Variants in ZFHX3 observed in about 807,000 individuals in gnomAD.
ZFHX3 encodes zinc finger homeobox 3.
Under a neutral mutation model 279.1 loss-of-function variants are expected in ZFHX3, and 42 were observed. That is an observed-to-expected ratio of 0.15 (90% confidence interval 0.12 to 0.19). The LOEUF (loss-of-function observed/expected upper bound fraction) is 0.19, where lower values mean the gene tolerates loss of function less well. ZFHX3 is among the 10% of genes least tolerant of loss of function. ZFHX3 has a pLI of 1.00. For synonymous variants in ZFHX3, 2,293 were observed against 1,957.8 expected (o/e 1.17, Z -4.52); for missense variants, 4,981 against 4,754.0 (o/e 1.05, Z -1.40).
At chr16:73,519,450 C>T (rs1266941186) in intron 2 of ZFHX3, among the ~76,000 whole-genome samples, 2 of 152,010 alleles carry the variant, frequency 1.3e-5, no homozygotes, top group African/African-American at 4.8e-5. Flanking sequence ...TAACTTCCTC[C>T]CATTCTTCCC....
intron 1 of ZFHX3, among the ~76,000 whole-genome samples, chr16:73,768,619 G>C (rs1187390654): frequency 6.6e-6 from 1 of 152,062 alleles, no homozygotes; most frequent in Non-Finnish European, 1.5e-5. Flanking sequence ...CCTTGTTCTT[G>C]TCTGTATTAA....
chr16:73,055,667 GGTGCAGACGTACGCGCGCGCGCGCGCGC>G (rs1705603393), intron 1 of ZFHX3, among the ~76,000 whole-genome samples: 2 of 143,896 alleles, frequency 1.4e-5, no homozygotes, highest in African/African-American at 5.2e-5. Flanking sequence ...ACACCCACAC[GGTGCAGACGTACGCGCGCGCGCGCGCGC>G]GCGCACACAC....
At chr16:73,152,510 T>C (rs1406680012) in intron 5 of ZFHX3, among the ~76,000 whole-genome samples, 1 of 151,814 alleles carries the variant, frequency 6.6e-6, no homozygotes, top group African/African-American at 2.4e-5. Context: ...GAAAAGAAAG[T>C]TGTTTAGATT....
chr16:73,698,798 G>A (rs375398000), intron 1 of ZFHX3, among the ~76,000 whole-genome samples: 5 of 152,284 alleles, frequency 3.3e-5, no homozygotes, highest in African/African-American at 1.2e-4. Flanking sequence ...TTAATGCAAC[G>A]TAGGGTCCTG....
chr16:73,454,259 T>C (rs752402594), intron 3 of ZFHX3, among the ~76,000 whole-genome samples: 1 of 152,178 alleles, frequency 6.6e-6, no homozygotes, highest in Non-Finnish European at 1.5e-5. Context: ...TTTGTCTCAA[T>C]CTTGGGTACC....
chr16:72,844,964 C>G (rs962899032), intron 4 of ZFHX3, among the ~76,000 whole-genome samples: 1 of 151,872 alleles, frequency 6.6e-6, no homozygotes, highest in African/African-American at 2.4e-5. Context: ...AGAGCTAAGC[C>G]GAGAGCACAG....
chr16:73,384,910 G>C (rs1233979624), intron 3 of ZFHX3, among the ~76,000 whole-genome samples: 1 of 152,132 alleles, frequency 6.6e-6, no homozygotes, highest in Non-Finnish European at 1.5e-5. Context: ...TCCCTCCTAC[G>C]TTACCCTGAT....
intron 2 of ZFHX3, among the ~76,000 whole-genome samples, chr16:73,580,056 T>C (rs2051843693): frequency 6.6e-6 from 1 of 150,504 alleles, no homozygotes; most frequent in Non-Finnish European, 1.5e-5. Flanking sequence ...TTACCTGTTA[T>C]AAATATTAAA....
At chr16:73,632,167 T>C (rs76116033) in intron 2 of ZFHX3, among the ~76,000 whole-genome samples, 5 of 152,160 alleles carry the variant, frequency 3.3e-5, no homozygotes, top group African/African-American at 1.2e-4. Flanking sequence ...TTATTTAATA[T>C]ACATGTGTTG....
intron 1 of ZFHX3, among the ~76,000 whole-genome samples, chr16:73,799,386 C>T (rs1216562924): frequency 6.6e-6 from 1 of 152,182 alleles, no homozygotes; most frequent in Non-Finnish European, 1.5e-5. Flanking sequence ...CAGTGGATGA[C>T]ATCAGGCATT....
intron 3 of ZFHX3, among the ~76,000 whole-genome samples, chr16:73,394,223 T>C (rs1966505): frequency 0.84 from 124,222 of 148,680 alleles, 52,212 homozygotes; most frequent in African/African-American, 0.89. Context: ...TTTCCAGAAG[T>C]GTATCTTTGT....
At chr16:73,673,275 C>A (rs1056226753) in intron 2 of ZFHX3, among the ~76,000 whole-genome samples, 1 of 152,080 alleles carries the variant, frequency 6.6e-6, no homozygotes, top group African/African-American at 2.4e-5. Context: ...AATTTTCCTA[C>A]TTTTAAGCTG....
chr16:72,794,475 T>C lies in ZFHX3; in HGVS notation c.8207A>G (p.His2736Arg), dbSNP rs1342000636. The C allele has an allele frequency of 6.2e-7, 1 of 1,614,194 alleles. No homozygotes were observed. Among genetic ancestry groups the C allele is most frequent in the Non-Finnish European group, 8.5e-7 (1 of 1,180,044 alleles). Residue 2736 changes from histidine to arginine, a missense_variant, in exon 9 of 10, where the codon CAT (histidine) becomes CGT (arginine). Physicochemically the swap from His to Arg is conservative, Grantham distance 29. Coordinates refer to ENST00000268489, the MANE Select transcript of ZFHX3 (RefSeq NM_006885.4). This position sits in a 1 kb window ranked among gnomAD's most constrained non-coding sequence, Gnocchi z 4.2. The part of the protein sequence containing the change: ...LEAHIRSRHW[H>R]EAKRAGYNLT... ...GTTGTAGCCAGCTCTCTTGGCTTCA[T>C]GCCAGTGACGGGACCGGATATGAGC... is the stretch of plus-strand genomic sequence containing the variant.
chr16:73,655,461 A>T (rs2052713335), intron 2 of ZFHX3, among the ~76,000 whole-genome samples: 1 of 152,246 alleles, frequency 6.6e-6, no homozygotes, highest in Non-Finnish European at 1.5e-5. Context: ...TATGAAAATC[A>T]ATTGCATTTC....
intron 3 of ZFHX3, among the ~76,000 whole-genome samples, chr16:73,422,185 T>C (rs2017730375): frequency 7.2e-6 from 1 of 139,592 alleles, no homozygotes; most frequent in South Asian, 2.5e-4. Flanking sequence ...TAAAACAGGA[T>C]GTTTTCAGAA....
At chr16:72,939,194 G>A (rs528048243) in intron 3 of ZFHX3, among the ~76,000 whole-genome samples, 2 of 152,228 alleles carry the variant, frequency 1.3e-5, no homozygotes, top group African/African-American at 4.8e-5. Flanking sequence ...CTTGGAGCAG[G>A]GGACTCCTCA....
intron 3 of ZFHX3, among the ~76,000 whole-genome samples, chr16:73,351,357 A>G (rs1055725515): frequency 6.6e-6 from 1 of 152,178 alleles, no homozygotes; most frequent in Non-Finnish European, 1.5e-5. Flanking sequence ...CTGGTCCAAC[A>G]GAATTGATTT....
intron 2 of ZFHX3, among the ~76,000 whole-genome samples, chr16:73,524,775 T>A (rs554157776): frequency 4.6e-5 from 7 of 152,362 alleles, no homozygotes; most frequent in Non-Finnish European, 8.8e-5. Context: ...GCTGGTATTC[T>A]GCTCTTCTGC....
At chr16:73,390,606 A>G (rs2016991543) in intron 3 of ZFHX3, among the ~76,000 whole-genome samples, 1 of 152,202 alleles carries the variant, frequency 6.6e-6, no homozygotes, top group Non-Finnish European at 1.5e-5. Context: ...TGCACTGAAA[A>G]TAATGCCTTA....
Sources: allele counts gnomAD v4.1 joint callset (sites outside exome capture counted in the v4.1 genomes callset), GRCh38; gene constraint gnomAD v4.1.1; non-coding constraint Gnocchi (gnomAD v3.1); transcripts MANE v1.5; gene names NCBI Gene and HGNC (gene_info 2026-07-23, HGNC 2026-07-21).